CSGALNACT2: variants seen among roughly 807,000 people sequenced by gnomAD.
CSGALNACT2 encodes the protein beta 4 GalNAcT-2.
A neutral mutation model predicts 55.3 loss-of-function variants in CSGALNACT2; 35 were observed. That is an observed-to-expected ratio of 0.63 (90% CI 0.48 to 0.84). The LOEUF (loss-of-function observed/expected upper bound fraction) is 0.84, where lower values mean the gene tolerates loss of function less well. CSGALNACT2 is among the 40% of genes least tolerant of loss of function. The pLI, the probability that CSGALNACT2 is intolerant of heterozygous loss-of-function variation, is 0.00. For missense variants in CSGALNACT2, 544 were observed against 657.5 expected, an observed-to-expected ratio of 0.83 and a Z score of 1.89; for synonymous variants, 196 against 224.9, an observed-to-expected ratio of 0.87 and a Z score of 1.15.
intron 7 of CSGALNACT2, among the ~76,000 whole-genome samples, chr10:43,178,283 G>T (rs2435384): frequency 0.79 from 120,642 of 152,178 alleles, 48,507 homozygotes; most frequent in African/African-American, 0.91. Flanking sequence ...CATATTACCT[G>T]TGCATATCTG....
At chr10:43,177,703 A>G (rs1430388771) in intron 7 of CSGALNACT2, among the ~76,000 whole-genome samples, 5 of 152,208 alleles carry the variant, frequency 3.3e-5, no homozygotes, top group Non-Finnish European at 7.3e-5. Flanking sequence ...CTTTTTGGCT[A>G]TTATAAATAC....
intron 1 of CSGALNACT2, among the ~76,000 whole-genome samples, chr10:43,149,895 C>G (rs972330762): frequency 6.6e-6 from 1 of 152,134 alleles, no homozygotes. Context: ...TGGAGAAACC[C>G]CATCTCTACT....
chr10:43,149,390 A>G (rs1267210066), intron 1 of CSGALNACT2, among the ~76,000 whole-genome samples: 1 of 152,064 alleles, frequency 6.6e-6, no homozygotes, highest in East Asian at 1.9e-4. Context: ...CCCAGCCCCT[A>G]TTGAATGGTT....
intron 6 of CSGALNACT2, among the ~76,000 whole-genome samples, chr10:43,168,318 G>A (rs1839310776): frequency 6.6e-6 from 1 of 152,106 alleles, no homozygotes; most frequent in Non-Finnish European, 1.5e-5. Context: ...AGGCGTGGTG[G>A]CACGAGCCTG....
At chr10:43,180,115 C>A (rs766470241) in intron 7 of CSGALNACT2, among the ~76,000 whole-genome samples, 4 of 152,190 alleles carry the variant, frequency 2.6e-5, no homozygotes, top group African/African-American at 9.7e-5. Context: ...GCTGGCCACA[C>A]CTGGAAGTGG....
chr10:43,149,979 A>G (rs944442252), intron 1 of CSGALNACT2, among the ~76,000 whole-genome samples: 2 of 152,180 alleles, frequency 1.3e-5, no homozygotes, highest in African/African-American at 4.8e-5. Flanking sequence ...AGGCAGGAGA[A>G]TCCCTTGAAC....
At chr10:43,165,085 C>T (rs1360586045) in intron 5 of CSGALNACT2, among the ~76,000 whole-genome samples, 2 of 151,920 alleles carry the variant, frequency 1.3e-5, no homozygotes, top group Non-Finnish European at 1.5e-5. Flanking sequence ...ATTATCCGGT[C>T]GTGGTGGTGG....
intron 6 of CSGALNACT2, among the ~76,000 whole-genome samples, chr10:43,175,404 C>T (rs1447107415): frequency 6.6e-6 from 1 of 152,138 alleles, no homozygotes; most frequent in Non-Finnish European, 1.5e-5. Context: ...CCTGGTTTAC[C>T]TACTTGGCCT....
chr10:43,151,998 C>T (rs1456475087), intron 1 of CSGALNACT2, among the ~76,000 whole-genome samples: 6 of 152,226 alleles, frequency 3.9e-5, no homozygotes, highest in East Asian at 3.9e-4. Flanking sequence ...TCATCTTGGT[C>T]GTAAAAGGAA....
intron 7 of CSGALNACT2, among the ~76,000 whole-genome samples, chr10:43,179,992 CA>C: frequency 6.6e-6 from 1 of 152,290 alleles, no homozygotes; most frequent in South Asian, 2.1e-4. Context: ...GGAAAAAATC[CA>C]TGAGGTTTTG....
chr10:43,145,449 G>C (rs1432856071), intron 1 of CSGALNACT2, among the ~76,000 whole-genome samples: 10 of 125,804 alleles, frequency 7.9e-5, no homozygotes, highest in Non-Finnish European at 1.1e-4. Context: ...GACAGGGCTA[G>C]AGTGCTTTGG....
At chr10:43,182,827 A>G (rs191423606) in intron 7 of CSGALNACT2, among the ~76,000 whole-genome samples, 93 of 151,426 alleles carry the variant, frequency 6.1e-4, no homozygotes, top group African/African-American at 2.2e-3. Context: ...GTGAGCCATG[A>G]TCACACCACT....
At chr10:43,144,941 A>G (rs1404009807) in intron 1 of CSGALNACT2, among the ~76,000 whole-genome samples, 2 of 152,180 alleles carry the variant, frequency 1.3e-5, no homozygotes, top group Admixed American at 6.5e-5. Flanking sequence ...TACTCAGAGT[A>G]ATTGTTGATA....
intron 7 of CSGALNACT2, among the ~76,000 whole-genome samples, chr10:43,178,828 G>C (rs1246310782): frequency 1.3e-5 from 2 of 151,916 alleles, no homozygotes; most frequent in East Asian, 3.9e-4. Context: ...CATTCTCATA[G>C]TTTTCTCCTT....
rs904752926 is a variant in CSGALNACT2, at chr10:43,163,849, G to A, written c.981-17G>A. The A allele has an allele frequency of 6.2e-7, 1 of 1,600,666 alleles. No homozygotes were observed. Among genetic ancestry groups the A allele is most frequent in the Admixed American group, 1.7e-5 (1 of 58,570 alleles). ...TTAAGTGGGACTTATCATTTGTTGT[G>A]TGTGCTTTCCTCATAGTGAGTCTAA... On this transcript the variant is annotated splice_polypyrimidine_tract_variant and intron_variant, in intron 4 of 7. Transcript: ENST00000374466.
intron 4 of CSGALNACT2, among the ~76,000 whole-genome samples, chr10:43,162,032 AT>A (rs1398760350): frequency 6.6e-6 from 1 of 152,216 alleles, no homozygotes; most frequent in Non-Finnish European, 1.5e-5. Context: ...GTATTGAAGA[AT>A]CTCGGATACC....
chr10:43,153,612 G>A (rs1053419211), intron 1 of CSGALNACT2, among the ~76,000 whole-genome samples: 3 of 152,074 alleles, frequency 2.0e-5, no homozygotes, highest in Non-Finnish European at 2.9e-5. Flanking sequence ...AGGTTTTGCT[G>A]CAGTGAGAAA....
At position 43,160,569 on chromosome 10, in the gene CSGALNACT2, C is replaced by G; in HGVS notation, c.954C>G (p.Val318=). Residue 318 remains valine, a synonymous_variant, in exon 4 of 8, where the codon GTC becomes GTG. Coordinates refer to ENST00000374466, the MANE Select transcript of CSGALNACT2 (RefSeq NM_018590.5). Reference sequence around the variant, plus strand: ...TTGGTAAAGAAGGACTGTCTAAAGTCAAGTCTATCCTAGAATCTGTCACCA... The same window carrying G: ...TTGGTAAAGAAGGACTGTCTAAAGTGAAGTCTATCCTAGAATCTGTCACCA... ...VYFGKEGLSK[V]KSILESVTSE... The G allele has an allele frequency of 6.4e-7, 1 of 1,570,034 alleles. No homozygotes were observed. Among genetic ancestry groups the G allele is most frequent in the East Asian group, 2.2e-5 (1 of 44,622 alleles).
At chr10:43,179,725 T>C (rs1303447912) in intron 7 of CSGALNACT2, among the ~76,000 whole-genome samples, 1 of 152,178 alleles carries the variant, frequency 6.6e-6, no homozygotes. Flanking sequence ...TTGAGATTTG[T>C]TCAGACCCCA....
Sources: gnomAD v4.1 joint callset for allele counts (sites outside exome capture counted in the v4.1 genomes callset) on GRCh38, gnomAD v4.1.1 for gene constraint, MANE v1.5 for transcripts, NCBI Gene and HGNC (gene_info 2026-07-23, HGNC 2026-07-21) for gene names.